GET4: variants seen among roughly 807,000 people sequenced by gnomAD.
The protein encoded by GET4 is guided entry of tail-anchored proteins factor 4.
Under a neutral mutation model 40.0 loss-of-function variants are expected in GET4, and 20 were observed. The observed-to-expected ratio is 0.50, with a 90% CI of 0.35 to 0.73. The LOEUF (loss-of-function observed/expected upper bound fraction) is 0.73. GET4 is among the 30% of genes least tolerant of loss of function. The pLI is 0.01. For missense variants in GET4, 557 were observed against 454.0 expected (o/e 1.23, Z -2.06); for synonymous variants, 280 against 194.6 (o/e 1.44, Z -3.65).
chr7:881,228 T>C (rs1844079374), intron 1 of GET4: 1 of 152,240 alleles, frequency 6.6e-6, no homozygotes, highest in Admixed American at 6.5e-5. Flanking sequence ...TAAATATTTA[T>C]GTAAAATGTA....
chr7:893,993 A>T, intron 8 of GET4, 22 bp downstream of exon 8: 1 of 1,540,250 alleles, frequency 6.5e-7, no homozygotes, highest in Non-Finnish European at 8.8e-7. Context: ...CGCCCTTGTC[A>T]CACCCACTCC....
intron 1 of GET4, among the ~76,000 whole-genome samples, chr7:877,611 C>T (rs1448509890): frequency 2.1e-5 from 3 of 139,696 alleles, no homozygotes; most frequent in Non-Finnish European, 4.6e-5. Flanking sequence ...CCTGGACCTC[C>T]CCCACCTCTC....
intron 8 of GET4, among the ~76,000 whole-genome samples, chr7:895,035 GT>G (rs1369615497): frequency 1.3e-5 from 2 of 152,002 alleles, no homozygotes; most frequent in Admixed American, 6.6e-5. Flanking sequence ...GTTGGTGGGT[GT>G]GGAGGGTGGT....
At position 882,905 on chromosome 7, in the gene GET4, G is replaced by C. The variant is rs180681757; in HGVS notation, c.156-3151G>C. On this transcript the variant is annotated intron_variant, in intron 1 of 8. Transcript: ENST00000265857. ...CAGGAGGCTGTGACCTGCAGCAGCT[G>C]TCCCCCTGTCTGCCCACACGGTCGT... 2.6e-3 allele frequency: 383 copies of C among 149,444 alleles called. 4 individuals are homozygous for C. Among genetic ancestry groups the C allele is most frequent in the African/African-American group, 8.2e-3 (341 of 41,488 alleles). The allele number at this position is 149,444 out of a possible 1,614,324, so 9.3% of individuals were successfully genotyped here. A position where few individuals can be genotyped will look rare whatever the true frequency, so the allele number is the denominator to read the frequency against.
At chr7:881,525 G>C (rs1439649503) in intron 1 of GET4, 2 of 152,252 alleles carry the variant, frequency 1.3e-5, no homozygotes, top group Admixed American at 1.3e-4. Flanking sequence ...TTATCGCTGA[G>C]TGGTTTTCCC....
chr7:892,969 G>T (rs1210107294), intron 6 of GET4, among the ~76,000 whole-genome samples: 1 of 151,408 alleles, frequency 6.6e-6, no homozygotes, highest in African/African-American at 2.4e-5. Flanking sequence ...TGCAGGTGTT[G>T]GGTGTTTGCA....
At chr7:881,297 C>T (rs1388865801) in intron 1 of GET4, 1 of 152,248 alleles carries the variant, frequency 6.6e-6, no homozygotes, top group Non-Finnish European at 1.5e-5. Context: ...GAAGATACCA[C>T]GGCACTGTGG....
chr7:883,491 G>A (rs1844126688), intron 1 of GET4: 2 of 984,826 alleles, frequency 2.0e-6, no homozygotes, highest in Non-Finnish European at 2.4e-6. Context: ...TGTAAGAGAA[G>A]AGCAAAATCA....
rs1020111946 is a variant in GET4, at chr7:895,727, G to A, written c.*305G>A. On this transcript the variant is annotated 3_prime_UTR_variant, in exon 9 of 9. Coordinates refer to ENST00000265857, the MANE Select transcript of GET4 (RefSeq NM_015949.3). Reference sequence around the variant, plus strand: ...CCACTCCTTTGTTCTGGGTCCTTTCGGGAGGGCTGATGGGCAGCACAGGAG... The same window carrying A: ...CCACTCCTTTGTTCTGGGTCCTTTCAGGAGGGCTGATGGGCAGCACAGGAG... 22 of 211,784 alleles carry A rather than the reference G, an allele frequency of 1.0e-4. No homozygotes were observed. The highest frequency in any genetic ancestry group is 1.7e-4 in the Non-Finnish European group (18 of 106,082). The allele number at this position is 211,784 out of a possible 1,614,324, so 13.1% of individuals were successfully genotyped here. A position where few individuals can be genotyped will look rare whatever the true frequency, so the allele number is the denominator to read the frequency against.
At chr7:879,102 G>C (rs1400138730) in intron 1 of GET4, among the ~76,000 whole-genome samples, 2 of 152,190 alleles carry the variant, frequency 1.3e-5, no homozygotes, top group Admixed American at 6.5e-5. Flanking sequence ...AAGACCCTCT[G>C]CTGGGCCTAG....
At chr7:886,181 C>G (rs1410866274) in intron 2 of GET4, 47 bp downstream of exon 2, 1 of 1,269,294 alleles carries the variant, frequency 7.9e-7, no homozygotes, top group Non-Finnish European at 1.2e-6. Flanking sequence ...TCCGGGCAGG[C>G]AAGTGGAGGT....
chr7:882,576 C>T (rs552185812), intron 1 of GET4: 1 of 152,286 alleles, frequency 6.6e-6, no homozygotes, highest in East Asian at 2.0e-4. Context: ...GACCTTGCTC[C>T]AGGGATGGCG....
At chr7:881,512 C>T (rs927661278) in intron 1 of GET4, 3 of 151,352 alleles carry the variant, frequency 2.0e-5, no homozygotes, top group Non-Finnish European at 2.9e-5. Context: ...TCCGCAGTTC[C>T]TTTTATCGCT....
At chr7:877,274 C>T (rs1334546597) in intron 1 of GET4, among the ~76,000 whole-genome samples, 3 of 145,924 alleles carry the variant, frequency 2.1e-5, no homozygotes, top group Non-Finnish European at 4.5e-5. Context: ...CCCGGCCCCT[C>T]GTCTCTCTGT....
chr7:878,569 A>G (rs955085669), intron 1 of GET4, among the ~76,000 whole-genome samples: 1 of 147,842 alleles, frequency 6.8e-6, no homozygotes, highest in Admixed American at 6.8e-5. Context: ...TTTCCTTTTA[A>G]TAAACTTTTT....
At chr7:895,111 T>G (rs972897425) in intron 8 of GET4, among the ~76,000 whole-genome samples, 1 of 147,278 alleles carries the variant, frequency 6.8e-6, no homozygotes, top group African/African-American at 2.5e-5. Flanking sequence ...TTCTGTGGAG[T>G]CCCCCGTGGC....
chr7:888,559 C>T (rs913870054), intron 4 of GET4, among the ~76,000 whole-genome samples: 8 of 152,232 alleles, frequency 5.3e-5, no homozygotes, highest in African/African-American at 1.4e-4. Flanking sequence ...TGGCGGAACC[C>T]GGTCCTGGCT....
intron 8 of GET4, among the ~76,000 whole-genome samples, chr7:894,551 C>T (rs947388787): frequency 2.7e-5 from 4 of 150,940 alleles, no homozygotes; most frequent in African/African-American, 4.9e-5. Context: ...TCCCCGGATG[C>T]CCCCCCCAGA....
rs765194050 is a variant in GET4 at position 895,425 on chromosome 7, TGGCCA to T, written c.*9_*13del. ...GCAGCCCCATCGAGCTGGACTGAAC[TGGCCA>T]GGCCACGTGGAGACACCACGGTCGA... On this transcript the variant is annotated 3_prime_UTR_variant, in exon 9 of 9. Coordinates refer to ENST00000265857, the MANE Select transcript of GET4 (RefSeq NM_015949.3). The T allele has an allele frequency of 2.0e-6, 3 of 1,521,318 alleles. No individual in the cohort carries two copies. Among genetic ancestry groups the T allele is most frequent in the Admixed American group, 3.4e-5 (2 of 59,104 alleles). 94.2% of individuals were successfully genotyped at this position (1,521,318 alleles called of 1,614,324 possible).
Sources: gnomAD v4.1 joint callset for allele counts (sites outside exome capture counted in the v4.1 genomes callset) on GRCh38, gnomAD v4.1.1 for gene constraint, MANE v1.5 for transcripts, NCBI Gene and HGNC (gene_info 2026-07-23, HGNC 2026-07-21) for gene names.